SYNPR: variants seen among roughly 807,000 people sequenced by gnomAD.
SYNPR encodes synaptoporin.
In SYNPR, 23 loss-of-function variants were observed where a neutral mutation model predicts 32.9. The observed-to-expected ratio is 0.70, with a 90% CI of 0.50 to 0.99. SYNPR has a LOEUF of 0.99. SYNPR is among the 50% of genes least tolerant of loss of function. The pLI is 0.00. For missense variants in SYNPR, 318 were observed against 349.3 expected (o/e 0.91, Z 0.71); for synonymous variants, 146 against 135.9 (o/e 1.07, Z -0.52).
chr3:63,490,843 A>T (rs546976105), intron 3 of SYNPR, among the ~76,000 whole-genome samples: 3 of 152,086 alleles, frequency 2.0e-5, no homozygotes, highest in African/African-American at 7.2e-5. Flanking sequence ...GCTCACTGCA[A>T]CCTCTGCCTC....
chr3:63,510,018 C>A (rs1280369159), intron 3 of SYNPR, among the ~76,000 whole-genome samples: 1 of 151,860 alleles, frequency 6.6e-6, no homozygotes, highest in Non-Finnish European at 1.5e-5. Flanking sequence ...CAGAAAATAT[C>A]ATTCTAGCCA....
At chr3:63,447,998 A>ATATTTATTTATTTATTTATTTATTTATT (rs369985539) in intron 2 of SYNPR, among the ~76,000 whole-genome samples, 11 of 151,742 alleles carry the variant, frequency 7.2e-5, no homozygotes, top group South Asian at 2.1e-4. Flanking sequence ...TGCCTACAGA[A>ATATTTATTTATTTATTTATTTATTTATT]TATTTATTTA....
chr3:63,486,506 T>G (rs1037365097), intron 3 of SYNPR, among the ~76,000 whole-genome samples: 18 of 152,162 alleles, frequency 1.2e-4, no homozygotes, highest in Non-Finnish European at 1.8e-4. Flanking sequence ...ACTTCTCCAC[T>G]GCCTTATTGA....
chr3:63,312,679 G>C (rs531843148), intron 2 of SYNPR, among the ~76,000 whole-genome samples: 1 of 152,040 alleles, frequency 6.6e-6, no homozygotes, highest in African/African-American at 2.4e-5. Context: ...TCCTGCTTAT[G>C]ATGACCTGTC....
intron 3 of SYNPR, among the ~76,000 whole-genome samples, chr3:63,549,145 A>C (rs1702459800): frequency 6.6e-6 from 1 of 152,186 alleles, no homozygotes; most frequent in African/African-American, 2.4e-5. Context: ...GAAATTAGCA[A>C]GTTTTTAATG....
chr3:63,405,668 T>G (rs950384692), intron 2 of SYNPR, among the ~76,000 whole-genome samples: 1 of 152,172 alleles, frequency 6.6e-6, no homozygotes, highest in East Asian at 1.9e-4. Flanking sequence ...CAGGCTGCCA[T>G]GTGGACAGTG....
chr3:63,530,602 G>T (rs1156258279), intron 3 of SYNPR, among the ~76,000 whole-genome samples: 1 of 152,058 alleles, frequency 6.6e-6, no homozygotes, highest in Non-Finnish European at 1.5e-5. Context: ...GTCTTCTAGG[G>T]GTGCTTCTCA....
chr3:63,607,955 A>G lies in SYNPR; in HGVS notation c.409-1170A>G, dbSNP rs145832270. On this transcript the variant is annotated intron_variant, in intron 4 of 5. Coordinates refer to ENST00000478300, the MANE Select transcript of SYNPR (RefSeq NM_001130003.2). ...GAAAGAAACACATGCCAAATTTTCTACTTGAGGAGGTTATTATTAAGAACA... is the reference window on the plus strand; with the variant it reads ...GAAAGAAACACATGCCAAATTTTCTGCTTGAGGAGGTTATTATTAAGAACA... Among the ~76,000 whole-genome samples the G allele has an allele frequency of 1.5e-3, 223 of 152,290 alleles. 1 individual carries two copies. Among genetic ancestry groups the G allele is most frequent in the African/African-American group, 5.1e-3 (213 of 41,560 alleles).
At chr3:63,360,865 T>A (rs1455116908) in intron 2 of SYNPR, among the ~76,000 whole-genome samples, 1 of 152,170 alleles carries the variant, frequency 6.6e-6, no homozygotes, top group Admixed American at 6.5e-5. Flanking sequence ...TCCATAACAC[T>A]TATTGCTATC....
chr3:63,481,073 G>T (rs1356484069), intron 3 of SYNPR, 117 bp downstream of exon 3: 2 of 1,387,734 alleles, frequency 1.4e-6, no homozygotes, highest in Non-Finnish European at 1.9e-6. Context: ...AAAGTATTCT[G>T]CCTGCACCCA....
At chr3:63,222,846 G>A in the SYNPR span, among the ~76,000 whole-genome samples, 9 of 152,150 alleles carry the variant, frequency 5.9e-5, no homozygotes, top group African/African-American at 1.9e-4. Context: ...AAAAATAAGT[G>A]CCAGCAAGTG....
At chr3:63,423,048 A>G (rs1172037987) in intron 2 of SYNPR, among the ~76,000 whole-genome samples, 1 of 152,254 alleles carries the variant, frequency 6.6e-6, no homozygotes, top group Non-Finnish European at 1.5e-5. Flanking sequence ...ATTGTTCATT[A>G]TGATAACATC....
chr3:63,354,674 G>A (rs987713281), intron 2 of SYNPR, among the ~76,000 whole-genome samples: 10 of 152,204 alleles, frequency 6.6e-5, no homozygotes, highest in Non-Finnish European at 1.5e-4. Context: ...ATTAATGTAT[G>A]TTGTGTTCTT....
At chr3:63,260,099 T>C (rs1316441786) in intron 2 of SYNPR, among the ~76,000 whole-genome samples, 1 of 152,208 alleles carries the variant, frequency 6.6e-6, no homozygotes, top group Non-Finnish European at 1.5e-5. Context: ...GAACATTCCA[T>C]GCTCATGGGT....
chr3:63,409,816 C>T (rs936803663), intron 2 of SYNPR, among the ~76,000 whole-genome samples: 5 of 152,262 alleles, frequency 3.3e-5, no homozygotes, highest in Admixed American at 1.3e-4. Flanking sequence ...CTGCTCTACC[C>T]ACCTGGAGTT....
chr3:63,452,098 C>T (rs1700389477), intron 2 of SYNPR: 1 of 701,918 alleles, frequency 1.4e-6, no homozygotes, highest in African/African-American at 1.7e-5. Context: ...CGTTTTTTCT[C>T]TGGATCTCTT....
At chr3:63,540,918 A>ACAC (rs60994493) in intron 3 of SYNPR, among the ~76,000 whole-genome samples, 2 of 89,800 alleles carry the variant, frequency 2.2e-5, no homozygotes, top group African/African-American at 4.9e-5. Context: ...ACACACACAC[A>ACAC]ATCCCCCCCC....
chr3:63,604,486 A>G (rs1324416422), intron 4 of SYNPR, among the ~76,000 whole-genome samples: 1 of 152,106 alleles, frequency 6.6e-6, no homozygotes, highest in Non-Finnish European at 1.5e-5. Flanking sequence ...GTTTAGTGCT[A>G]TAAACTTCCC....
chr3:63,605,911 C>T (rs1223272621), intron 4 of SYNPR, among the ~76,000 whole-genome samples: 2 of 152,188 alleles, frequency 1.3e-5, no homozygotes, highest in East Asian at 1.9e-4. Flanking sequence ...TGTATGTTCC[C>T]GCTCCATAGC....
Sources: gnomAD v4.1 joint callset for allele counts (sites outside exome capture counted in the v4.1 genomes callset) on GRCh38, gnomAD v4.1.1 for gene constraint, MANE v1.5 for transcripts, NCBI Gene and HGNC (gene_info 2026-07-23, HGNC 2026-07-21) for gene names.